TCP11L2: variants seen among roughly 807,000 people sequenced by gnomAD.
TCP11L2 encodes the protein t-complex 11 like 2.
TCP11L2 carries 39 observed loss-of-function variants against 50.7 expected under a neutral mutation model. That is an observed-to-expected ratio of 0.77 (90% CI 0.60 to 1.01). TCP11L2 has a LOEUF of 1.01. Among genes scored for constraint, TCP11L2 ranks in the 50% least tolerant of loss-of-function variants. TCP11L2 has a pLI of 0.00. For synonymous variants in TCP11L2, 192 were observed against 219.3 expected, an observed-to-expected ratio of 0.88 and a Z score of 1.10; for missense variants, 612 against 614.7, an observed-to-expected ratio of 1.00 and a Z score of 0.05.
intron 9 of TCP11L2, among the ~76,000 whole-genome samples, chr12:106,345,735 C>T (rs1490467376): frequency 1.3e-5 from 2 of 152,028 alleles, no homozygotes; most frequent in Non-Finnish European, 2.9e-5. Flanking sequence ...TTTATTATTA[C>T]TCACCAGTCT....
At chr12:106,335,566 A>AT in intron 6 of TCP11L2, 73 bp from the exon 7 acceptor site, 1 of 1,485,710 alleles carries the variant, frequency 6.7e-7, no homozygotes, top group Non-Finnish European at 9.2e-7. Context: ...CCAACACAGC[A>AT]TCTGTCAAGT....
At chr12:106,341,050 G>A in intron 9 of TCP11L2, 52 bp downstream of exon 9, 1 of 1,487,512 alleles carries the variant, frequency 6.7e-7, no homozygotes, top group Non-Finnish European at 9.2e-7. Flanking sequence ...TTAACTTGCT[G>A]ATTTTGACTA....
intron 1 of TCP11L2, among the ~76,000 whole-genome samples, chr12:106,307,646 A>G (rs1165900146): frequency 6.6e-6 from 1 of 152,190 alleles, no homozygotes; most frequent in African/African-American, 2.4e-5. Context: ...GAACTTGCGG[A>G]AGACCATTCA....
At chr12:106,314,574 TGTGA>T (rs879143330) in intron 3 of TCP11L2, 81 bp downstream of exon 3, 6,337 of 614,756 alleles carry the variant, frequency 0.01, 29 homozygotes, top group African/African-American at 0.029. Flanking sequence ...TGTGTGTGTG[TGTGA>T]GAGAGAGAGA....
chr12:106,314,316 C>A (rs767801796), intron 2 of TCP11L2, 42 bp from the exon 3 acceptor site: 4 of 1,587,146 alleles, frequency 2.5e-6, no homozygotes, highest in Non-Finnish European at 2.6e-6. Flanking sequence ...TGGATGACAA[C>A]TTTTCTTCTG....
intron 3 of TCP11L2, among the ~76,000 whole-genome samples, chr12:106,317,755 G>A (rs112648716): frequency 7.3e-4 from 111 of 152,308 alleles, no homozygotes; most frequent in Admixed American, 1.2e-3. Flanking sequence ...AGTTAGGTAG[G>A]AATGTGTATT....
At chr12:106,324,364 AG>A (rs370607561) in intron 6 of TCP11L2, 10 of 152,262 alleles carry the variant, frequency 6.6e-5, no homozygotes, top group African/African-American at 2.4e-4. Context: ...AACACAGGGC[AG>A]ACATTGTGAC....
At chr12:106,320,325 G>A (rs1434775749) in intron 4 of TCP11L2, among the ~76,000 whole-genome samples, 1 of 152,072 alleles carries the variant, frequency 6.6e-6, no homozygotes, top group Non-Finnish European at 1.5e-5. Flanking sequence ...TTGAACCTGG[G>A]AGGCGGAGAT....
chr12:106,301,648 T>C (rs1222493060), upstream of TCP11L2, among the ~76,000 whole-genome samples: 1 of 152,256 alleles, frequency 6.6e-6, no homozygotes, highest in African/African-American at 2.4e-5. Context: ...AGAAATACTT[T>C]AGTCTATACA....
In TCP11L2 at chr12:106,336,152, C is replaced by T. The variant is rs1405685241; in HGVS notation, c.1081C>T (p.Pro361Ser). Residue 361 changes from proline (P) to serine (S), a missense_variant, in exon 8 of 10, where the codon CCT (proline) becomes TCT (serine). By Grantham distance (74) the Pro-to-Ser change is moderately conservative. Transcript: ENST00000299045. ...NMVGAITGGL[P>S]ELASRLTRIS... ...GGTGGGTGCTATTACAGGAGGCCTGCCTGAGCTTGCAAGCAGGTTAACAAG... is the reference window on the plus strand; with the variant it reads ...GGTGGGTGCTATTACAGGAGGCCTGTCTGAGCTTGCAAGCAGGTTAACAAG... 6.2e-7 allele frequency: 1 copy of T among 1,613,546 alleles called. No homozygotes were observed. The highest frequency in any genetic ancestry group is 1.3e-5 in the African/African-American group (1 of 74,874).
At chr12:106,340,130 C>A (rs1344255656) in intron 8 of TCP11L2, among the ~76,000 whole-genome samples, 1 of 152,144 alleles carries the variant, frequency 6.6e-6, no homozygotes, top group African/African-American at 2.4e-5. Context: ...ATCTTAAGGA[C>A]CTTTTCTGGA....
intron 3 of TCP11L2, 83 bp downstream of exon 3, chr12:106,314,576 T>TGAGAGAGAGAGAGAGA (rs71072670): frequency 1.4e-5 from 4 of 282,742 alleles, no homozygotes; most frequent in East Asian, 1.6e-4. Context: ...TGTGTGTGTG[T>TGAGAGAGAGAGAGAGA]GAGAGAGAGA....
At chr12:106,337,789 C>T (rs2035967264) in intron 8 of TCP11L2, among the ~76,000 whole-genome samples, 1 of 152,168 alleles carries the variant, frequency 6.6e-6, no homozygotes. Context: ...GATTCAGGTA[C>T]AGATGTGTGG....
In TCP11L2 at chr12:106,323,563, T is replaced by C; in HGVS notation, c.689T>C (p.Ile230Thr). Residue 230 changes from isoleucine (I) to threonine (T), a missense_variant, in exon 6 of 10, where the codon ATT becomes ACT. By Grantham distance (89) the Ile-to-Thr change is moderately conservative (BLOSUM62 -1). Transcript: ENST00000299045. ...LMQMDMANFTIMSLRPHLQRQ... is the reference protein window; with the variant it reads ...LMQMDMANFTTMSLRPHLQRQ... ...CAAATGGACATGGCCAATTTTACAA[T>C]TATGAGTCTCAGACCGCACCTTCAA... 6.2e-7 allele frequency: 1 copy of C among 1,609,802 alleles called. No homozygotes were observed. The highest frequency in any genetic ancestry group is 8.5e-7 in the Non-Finnish European group (1 of 1,178,094).
At chr12:106,309,061 A>G (rs1184646584) in intron 1 of TCP11L2, among the ~76,000 whole-genome samples, 1 of 152,244 alleles carries the variant, frequency 6.6e-6, no homozygotes, top group Non-Finnish European at 1.5e-5. Flanking sequence ...GGCTAGAAGC[A>G]AGGCTTCCTG....
chr12:106,336,193 A>T lies in TCP11L2; in HGVS notation c.1122A>T (p.Leu374=). The T allele has an allele frequency of 1.2e-6, 2 of 1,609,704 alleles. No individual in the cohort carries two copies. Among genetic ancestry groups the T allele is most frequent in the Non-Finnish European group, 1.7e-6 (2 of 1,178,718 alleles). The part of the protein sequence containing the change: ...ASRLTRISAV[L]LEGMNKETFN... ...GGTTAACAAGGATTTCAGCTGTTCT[A>T]CTTGAAGGCATGAACAAAGAGTAAG... is the stretch of plus-strand genomic sequence containing the variant. Residue 374 remains leucine, a synonymous_variant, in exon 8 of 10, where the codon CTA becomes CTT. Transcript: ENST00000299045.
chr12:106,331,756 A>G (rs1229025707), intron 6 of TCP11L2, among the ~76,000 whole-genome samples: 1 of 152,220 alleles, frequency 6.6e-6, no homozygotes, highest in East Asian at 1.9e-4. Flanking sequence ...CTCAGAGGCC[A>G]CGGCTCCCAA....
chr12:106,322,019 TAAGTGG>T (rs2035357835), intron 5 of TCP11L2, among the ~76,000 whole-genome samples: 1 of 152,188 alleles, frequency 6.6e-6, no homozygotes, highest in Admixed American at 6.5e-5. Flanking sequence ...ACAATTGTGA[TAAGTGG>T]AAGGGGAAGT....
intron 1 of TCP11L2, among the ~76,000 whole-genome samples, chr12:106,309,748 C>A (rs1316954549): frequency 1.3e-5 from 2 of 151,504 alleles, no homozygotes; most frequent in Non-Finnish European, 2.9e-5. Context: ...GACTTGAGAA[C>A]CACAAGAATA....
Sources: allele counts gnomAD v4.1 joint callset (sites outside exome capture counted in the v4.1 genomes callset), GRCh38; gene constraint gnomAD v4.1.1; transcripts MANE v1.5; gene names NCBI Gene and HGNC (gene_info 2026-07-23, HGNC 2026-07-21).